The following NECAB1 variants were observed in gnomAD, a reference collection of about 807,000 sequenced individuals.
The protein encoded by NECAB1 is N-terminal EF-hand calcium binding protein 1.
NECAB1 carries 29 observed loss-of-function variants against 57.5 expected under a neutral mutation model. That is an observed-to-expected ratio of 0.50 (90% CI 0.38 to 0.69). The LOEUF (loss-of-function observed/expected upper bound fraction) is 0.69. NECAB1 is among the 30% of genes least tolerant of loss of function. The pLI is 0.00. For synonymous variants in NECAB1, 142 were observed against 147.7 expected (o/e 0.96, Z 0.28); for missense variants, 372 against 413.8 (o/e 0.90, Z 0.88).
chr8:90,958,826 G>C lies in NECAB1; in HGVS notation c.*3314G>C. 2.1e-6 allele frequency: 1 copy of C among 470,460 alleles called. No homozygotes were observed. The highest frequency in any genetic ancestry group is 3.7e-6 in the Non-Finnish European group (1 of 271,464). 29.1% of individuals were successfully genotyped at this position (470,460 alleles called of 1,614,324 possible). On this transcript the variant is annotated 3_prime_UTR_variant, in exon 13 of 13. Coordinates refer to ENST00000417640, the MANE Select transcript of NECAB1 (RefSeq NM_022351.5). The stretch of plus-strand genomic sequence containing the variant: ...ATTTATGCAGGAAACCTCCTGCAAA[G>C]CTGAAACTGATTAGAAAATTCTTTA...
rs76135549 is a variant in NECAB1 at position 90,823,186 on chromosome 8, G to A, written c.125-1531G>A. Among the ~76,000 whole-genome samples the A allele has an allele frequency of 3.1e-4, 47 of 151,864 alleles. No individual in the cohort carries two copies. The East Asian group carries it at 8.9e-3, about 29-fold the overall frequency. On this transcript the variant is annotated intron_variant, in intron 2 of 12. Coordinates refer to ENST00000417640, the MANE Select transcript of NECAB1 (RefSeq NM_022351.5). ...ATCGCTAAGCTGGCTTGGCCCAGGAGGACCCAGAAGATCGGGTCCCTAGAT... is the reference window on the plus strand; with the variant it reads ...ATCGCTAAGCTGGCTTGGCCCAGGAAGACCCAGAAGATCGGGTCCCTAGAT...
At chr8:90,948,442 C>A (rs536052169) in intron 10 of NECAB1, among the ~76,000 whole-genome samples, 1 of 152,168 alleles carries the variant, frequency 6.6e-6, no homozygotes, top group South Asian at 2.1e-4. Flanking sequence ...AAATTAAAAT[C>A]TCTGTGTGTA....
At chr8:90,914,528 T>C (rs1449467635) in intron 5 of NECAB1, among the ~76,000 whole-genome samples, 6 of 152,130 alleles carry the variant, frequency 3.9e-5, no homozygotes, top group African/African-American at 1.4e-4. Context: ...CTCCAAACCT[T>C]AAACCCACCC....
At chr8:90,884,952 A>C (rs1439480770) in intron 5 of NECAB1, among the ~76,000 whole-genome samples, 2 of 152,154 alleles carry the variant, frequency 1.3e-5, no homozygotes, top group Non-Finnish European at 2.9e-5. Context: ...ATGCCTCTGG[A>C]AAGGTTGCTC....
chr8:90,801,692 T>C lies in NECAB1; in HGVS notation c.101T>C (p.Ile34Thr), dbSNP rs1247414945. Residue 34 changes from isoleucine to threonine, a missense_variant and splice_region_variant, in exon 2 of 13, where the codon ATA becomes ACA. Physicochemically the swap from Ile to Thr is moderately conservative, Grantham distance 89. Coordinates refer to ENST00000417640, the MANE Select transcript of NECAB1 (RefSeq NM_022351.5). The stretch of plus-strand genomic sequence containing the variant: ...AATTTTTTCCTTTTTCCTTTCCAGA[T>C]ACTGAGGAGAGCAGACAAAAATGGT... ...LSKGMSIFLD[I>T]LRRADKNDDG... 1.3e-6 allele frequency: 2 copies of C among 1,527,918 alleles called. No individual in the cohort carries two copies. Among genetic ancestry groups the C allele is most frequent in the Non-Finnish European group, 1.8e-6 (2 of 1,132,858 alleles). 94.6% of individuals were successfully genotyped at this position (1,527,918 alleles called of 1,614,324 possible). A position where few individuals can be genotyped will look rare whatever the true frequency, so the allele number is the denominator to read the frequency against.
intron 3 of NECAB1, among the ~76,000 whole-genome samples, chr8:90,869,438 A>C (rs1406433041): frequency 6.6e-6 from 1 of 152,214 alleles, no homozygotes; most frequent in African/African-American, 2.4e-5. Flanking sequence ...TCAGCCCATG[A>C]AAGCAGCTAC....
At position 90,947,351 on chromosome 8, in the gene NECAB1, C is replaced by A. The variant is rs1843654; in HGVS notation, c.861-2456C>A. The stretch of plus-strand genomic sequence containing the variant: ...ACACACACACACACACACACACACA[C>A]AATAAGCCAAGTACTGAGTTAAGAA... On this transcript the variant is annotated intron_variant, in intron 10 of 12. Coordinates refer to ENST00000417640, the MANE Select transcript of NECAB1 (RefSeq NM_022351.5). Among the ~76,000 whole-genome samples, 67 of 125,242 alleles carry A rather than the reference C, an allele frequency of 5.3e-4. 1 individual carries two copies. The highest frequency in any genetic ancestry group is 6.7e-4 in the Admixed American group (8 of 11,862). 82.2% of individuals were successfully genotyped at this position (125,242 alleles called of 152,430 possible).
intron 2 of NECAB1, among the ~76,000 whole-genome samples, chr8:90,808,804 C>T (rs1223184276): frequency 6.6e-6 from 1 of 151,920 alleles, no homozygotes; most frequent in Non-Finnish European, 1.5e-5. Flanking sequence ...TGCCACCATG[C>T]CCGGCTAATT....
intron 10 of NECAB1, among the ~76,000 whole-genome samples, chr8:90,947,034 T>C (rs566177017): frequency 6.6e-6 from 1 of 152,124 alleles, no homozygotes; most frequent in African/African-American, 2.4e-5. Context: ...CTATGGAAAA[T>C]GCTTAAATTA....
At chr8:90,873,780 C>T (rs1026682763) in intron 4 of NECAB1, among the ~76,000 whole-genome samples, 6 of 152,174 alleles carry the variant, frequency 3.9e-5, no homozygotes, top group Admixed American at 1.3e-4. Flanking sequence ...GTGTTATCCT[C>T]TGTTTTTCCT....
intron 9 of NECAB1, among the ~76,000 whole-genome samples, chr8:90,935,804 C>T (rs1466776102): frequency 2.6e-5 from 4 of 151,960 alleles, no homozygotes; most frequent in African/African-American, 7.2e-5. Context: ...CCTGAGCAGC[C>T]AAAGCCAAGG....
chr8:90,859,006 T>G (rs1172463473), intron 3 of NECAB1: 1 of 152,078 alleles, frequency 6.6e-6, no homozygotes, highest in African/African-American at 2.4e-5. Flanking sequence ...CCTTTGGAAT[T>G]CCCCAAATTG....
chr8:90,817,409 A>G lies in NECAB1; in HGVS notation c.125-7308A>G, dbSNP rs180862007. Among the ~76,000 whole-genome samples, 701 of 151,858 alleles carry G rather than the reference A, an allele frequency of 4.6e-3. 7 individuals are homozygous for G. The highest frequency in any genetic ancestry group is 0.016 in the African/African-American group (657 of 41,536). On this transcript the variant is annotated intron_variant, in intron 2 of 12. Coordinates refer to ENST00000417640, the MANE Select transcript of NECAB1 (RefSeq NM_022351.5). ...TAGGATTTCTTCTCAATCTTAAGGA[A>G]AAAAACATCTGCTTTCCCACCATTA... is the stretch of plus-strand genomic sequence containing the variant.
At chr8:90,917,866 A>ATGTGTG (rs1310484254) in intron 6 of NECAB1, among the ~76,000 whole-genome samples, 1 of 72,794 alleles carries the variant, frequency 1.4e-5, no homozygotes, top group Non-Finnish European at 2.2e-5. Context: ...ATATATATAT[A>ATGTGTG]TATATGTGTG....
intron 5 of NECAB1, among the ~76,000 whole-genome samples, chr8:90,890,552 C>T (rs1425935452): frequency 6.6e-6 from 1 of 152,098 alleles, no homozygotes; most frequent in Non-Finnish European, 1.5e-5. Context: ...AACTAAGCCA[C>T]ATATACAAAT....
rs1472270914 is a variant in NECAB1, at chr8:90,957,279, T to C, written c.*1767T>C. 1 of 151,924 alleles carries C rather than the reference T, an allele frequency of 6.6e-6. No individual in the cohort carries two copies. Among genetic ancestry groups the C allele is most frequent in the Non-Finnish European group, 1.5e-5 (1 of 67,896 alleles). 9.4% of individuals were successfully genotyped at this position (151,924 alleles called of 1,614,324 possible). On this transcript the variant is annotated 3_prime_UTR_variant, in exon 13 of 13. Coordinates refer to ENST00000417640, the MANE Select transcript of NECAB1 (RefSeq NM_022351.5). ...TTTCAAAAATACAAATTATAGCCAATCAAAACATTGCTTTGGTTGGTGCAT... is the reference window on the plus strand; with the variant it reads ...TTTCAAAAATACAAATTATAGCCAACCAAAACATTGCTTTGGTTGGTGCAT...
intron 10 of NECAB1, 67 bp downstream of exon 10, chr8:90,940,965 C>A: frequency 8.4e-7 from 1 of 1,187,114 alleles, no homozygotes; most frequent in Non-Finnish European, 1.2e-6. Context: ...GCATTTCTTA[C>A]TTTAGACAAG....
chr8:90,928,307 C>T lies in NECAB1; in HGVS notation c.693+8C>T, dbSNP rs772400462. On this transcript the variant is annotated splice_region_variant and intron_variant, in intron 8 of 12. Transcript: ENST00000417640. ...GATAGACTGGAAAAGAAGGTAGGTG[C>T]TTTCTTTTCTTTATTCTCTCTTCCA... is the stretch of plus-strand genomic sequence containing the variant. 2.5e-6 allele frequency: 4 copies of T among 1,584,362 alleles called. No individual in the cohort carries two copies. The highest frequency in any genetic ancestry group is 3.4e-6 in the Non-Finnish European group (4 of 1,160,780).
At chr8:90,799,743 C>T (rs2130642136) in intron 1 of NECAB1, among the ~76,000 whole-genome samples, 1 of 152,284 alleles carries the variant, frequency 6.6e-6, no homozygotes, top group Non-Finnish European at 1.5e-5. Flanking sequence ...TAATGTGATG[C>T]TTCCAGCTTT....
Sources: gnomAD v4.1 joint callset for allele counts (sites outside exome capture counted in the v4.1 genomes callset) on GRCh38, gnomAD v4.1.1 for gene constraint, MANE v1.5 for transcripts, NCBI Gene and HGNC (gene_info 2026-07-23, HGNC 2026-07-21) for gene names.